The following EDARADD variants were observed in gnomAD, a reference collection of about 807,000 sequenced individuals.
EDARADD encodes the protein EDAR associated via death domain.
EDARADD carries 20 observed loss-of-function variants against 25.6 expected under a neutral mutation model. The observed-to-expected ratio is 0.78, with a 90% CI of 0.55 to 1.14. The LOEUF (loss-of-function observed/expected upper bound fraction) is 1.14, where lower values mean the gene tolerates loss of function less well. EDARADD is among the 50% of genes most tolerant of loss of function. The pLI, the probability that EDARADD is intolerant of heterozygous loss-of-function variation, is 0.00. For synonymous variants in EDARADD, 86 were observed against 94.4 expected (o/e 0.91, Z 0.52); for missense variants, 225 against 270.1 (o/e 0.83, Z 1.17).
intron 5 of EDARADD, among the ~76,000 whole-genome samples, chr1:236,478,918 TG>T (rs907688212): frequency 2.0e-5 from 3 of 151,876 alleles, no homozygotes; most frequent in Non-Finnish European, 4.4e-5. Context: ...AACTCAGGAA[TG>T]GAAAACCAAA....
In EDARADD at chr1:236,482,747, G is replaced by A; in HGVS notation, c.*98G>A. The A allele has an allele frequency of 6.3e-7, 1 of 1,574,868 alleles. No individual in the cohort carries two copies. The highest frequency in any genetic ancestry group is 8.6e-7 in the Non-Finnish European group (1 of 1,160,904). On this transcript the variant is annotated 3_prime_UTR_variant, in exon 6 of 6. Coordinates refer to ENST00000334232, the MANE Select transcript of EDARADD (RefSeq NM_145861.4). ...TTGTTTTATAAGAGTTTAGGACAAG[G>A]ACGTGGAACAGTGGACACTGGTTTT...
intron 4 of EDARADD, among the ~76,000 whole-genome samples, chr1:236,430,987 G>A (rs1416333313): frequency 6.6e-6 from 1 of 152,124 alleles, no homozygotes; most frequent in Admixed American, 6.5e-5. Flanking sequence ...GCAGTGGCAG[G>A]CGCCTGTAAT....
At chr1:236,474,748 T>C (rs1204899014) in intron 5 of EDARADD, among the ~76,000 whole-genome samples, 2 of 152,238 alleles carry the variant, frequency 1.3e-5, no homozygotes, top group Non-Finnish European at 2.9e-5. Flanking sequence ...TTCTCATTCA[T>C]TTGTTCATTT....
intron 3 of EDARADD, among the ~76,000 whole-genome samples, chr1:236,426,169 G>A (rs1189211003): frequency 6.6e-6 from 1 of 151,944 alleles, no homozygotes; most frequent in Non-Finnish European, 1.5e-5. Context: ...TTTTGAGACT[G>A]GGTCTCACTG....
chr1:236,405,398 T>C (rs750650989), intron 1 of EDARADD, among the ~76,000 whole-genome samples: 1 of 152,196 alleles, frequency 6.6e-6, no homozygotes, highest in Non-Finnish European at 1.5e-5. Context: ...GGAGTGTTGA[T>C]TGAAATTCAC....
intron 3 of EDARADD, among the ~76,000 whole-genome samples, chr1:236,425,466 C>A (rs1379648460): frequency 6.6e-6 from 1 of 152,152 alleles, no homozygotes; most frequent in Admixed American, 6.5e-5. Flanking sequence ...TCCTTCCTTT[C>A]TGCAAACCTC....
At chr1:236,461,514 T>C (rs1240663502) in intron 4 of EDARADD, among the ~76,000 whole-genome samples, 1 of 152,206 alleles carries the variant, frequency 6.6e-6, no homozygotes, top group African/African-American at 2.4e-5. Flanking sequence ...TCTAAGTGTT[T>C]GGTTTTATGC....
Position 236,484,546 on chromosome 1 carries a change from G to C in EDARADD, c.*1897G>C, listed in dbSNP as rs1659777424. Reference sequence around the variant, plus strand: ...CCTTGTGTCAACTCCGGCAGCTCAAGACCCCCGAGCAACATTTGTAGGGGC... The same window carrying C: ...CCTTGTGTCAACTCCGGCAGCTCAACACCCCCGAGCAACATTTGTAGGGGC... On this transcript the variant is annotated 3_prime_UTR_variant, in exon 6 of 6. Coordinates refer to ENST00000334232, the MANE Select transcript of EDARADD (RefSeq NM_145861.4). This position sits in a 1 kb window ranked among gnomAD's most constrained non-coding sequence, Gnocchi z 4.1. 8.2e-7 allele frequency: 1 copy of C among 1,225,176 alleles called. No individual in the cohort carries two copies. Among genetic ancestry groups the C allele is most frequent in the Admixed American group, 1.8e-5 (1 of 54,678 alleles). The allele number at this position is 1,225,176 out of a possible 1,614,324, so 75.9% of individuals were successfully genotyped here. A position where few individuals can be genotyped will look rare whatever the true frequency, so the allele number is the denominator to read the frequency against.
intron 3 of EDARADD, among the ~76,000 whole-genome samples, chr1:236,383,969 C>A (rs1667327530): frequency 6.6e-6 from 1 of 152,142 alleles, no homozygotes; most frequent in South Asian, 2.1e-4. Context: ...TGCCACTGCA[C>A]TCTAGCCTGG....
chr1:236,478,740 T>C (rs865801484), intron 5 of EDARADD, among the ~76,000 whole-genome samples: 18 of 152,188 alleles, frequency 1.2e-4, no homozygotes, highest in Middle Eastern at 3.4e-3. Flanking sequence ...GCGCCCGCCA[T>C]CACGCCCAGA....
At chr1:236,403,268 A>G (rs1471455392) in intron 1 of EDARADD, among the ~76,000 whole-genome samples, 2 of 151,100 alleles carry the variant, frequency 1.3e-5, no homozygotes, top group Admixed American at 6.6e-5. Flanking sequence ...TCTAAGTGAG[A>G]GCTTTGAAAG....
chr1:236,410,123 C>T (rs904700817), intron 2 of EDARADD, among the ~76,000 whole-genome samples: 3 of 151,950 alleles, frequency 2.0e-5, no homozygotes, highest in South Asian at 4.2e-4. Flanking sequence ...TCCATGGGTA[C>T]GTATGCAGCT....
chr1:236,452,639 A>T (rs567584776), intron 4 of EDARADD, among the ~76,000 whole-genome samples: 1 of 152,082 alleles, frequency 6.6e-6, no homozygotes, highest in Non-Finnish European at 1.5e-5. Flanking sequence ...TTTATAAATT[A>T]CCCAGTCTCA....
rs1297659705 is a variant in EDARADD at position 236,482,916 on chromosome 1, CA to C, written c.*269del. 2 of 608,618 alleles carry C rather than the reference CA, an allele frequency of 3.3e-6. No homozygotes were observed. Among genetic ancestry groups the C allele is most frequent in the Non-Finnish European group, 5.7e-6 (2 of 348,344 alleles). 37.7% of individuals were successfully genotyped at this position (608,618 alleles called of 1,614,324 possible). On this transcript the variant is annotated 3_prime_UTR_variant, in exon 6 of 6. Coordinates refer to ENST00000334232, the MANE Select transcript of EDARADD (RefSeq NM_145861.4). ...GTATCCTCTAAGGGCCAAAGTCCTA[CA>C]ATCGGAATGGATTCATGCCACGTTG... is the stretch of plus-strand genomic sequence containing the variant.
At chr1:236,444,729 T>C (rs1421926152) in intron 4 of EDARADD, among the ~76,000 whole-genome samples, 4 of 152,190 alleles carry the variant, frequency 2.6e-5, no homozygotes, top group African/African-American at 9.6e-5. Flanking sequence ...TGACCAACTC[T>C]ACAATGTTGA....
chr1:236,456,456 A>G (rs1434946993), intron 4 of EDARADD, among the ~76,000 whole-genome samples: 2 of 152,208 alleles, frequency 1.3e-5, no homozygotes, highest in Admixed American at 1.3e-4. Context: ...TTCCATCTGT[A>G]GATAACTGTA....
Position 236,483,660 on chromosome 1 carries a change from C to A in EDARADD, c.*1011C>A. 1.3e-6 allele frequency: 2 copies of A among 1,575,180 alleles called. No individual in the cohort carries two copies. The highest frequency in any genetic ancestry group is 1.7e-6 in the Non-Finnish European group (2 of 1,146,492). On this transcript the variant is annotated 3_prime_UTR_variant, in exon 6 of 6. Coordinates refer to ENST00000334232, the MANE Select transcript of EDARADD (RefSeq NM_145861.4). ...TCATGCTGTCACCAAGCTGGCCATG[C>A]AGGAGTTCATGGTCCTCCCAGTCGG...
chr1:236,437,039 G>A (rs1318191185), intron 4 of EDARADD, among the ~76,000 whole-genome samples: 2 of 152,156 alleles, frequency 1.3e-5, no homozygotes, highest in Non-Finnish European at 2.9e-5. Flanking sequence ...AGATACAATG[G>A]TGAATACCTA....
intron 5 of EDARADD, among the ~76,000 whole-genome samples, chr1:236,474,690 T>C (rs1659454142): frequency 6.6e-6 from 1 of 152,244 alleles, no homozygotes; most frequent in African/African-American, 2.4e-5. Context: ...TTAAGATTCA[T>C]TAAACAACAA....
Sources: allele counts gnomAD v4.1 joint callset (sites outside exome capture counted in the v4.1 genomes callset), GRCh38; gene constraint gnomAD v4.1.1; non-coding constraint Gnocchi (gnomAD v3.1); transcripts MANE v1.5; gene names NCBI Gene and HGNC (gene_info 2026-07-23, HGNC 2026-07-21).